The following CCDC158 variants were observed in gnomAD, a reference collection of about 807,000 sequenced individuals.
The protein encoded by CCDC158 is coiled-coil domain containing 158.
Under a neutral mutation model 138.6 loss-of-function variants are expected in CCDC158, and 116 were observed. That is an observed-to-expected ratio of 0.84 (90% CI 0.72 to 0.98). The LOEUF is 0.98. Among genes scored for constraint, CCDC158 ranks in the 50% least tolerant of loss-of-function variants. The pLI is 0.00. For synonymous variants in CCDC158, 436 were observed against 442.4 expected (o/e 0.99, Z 0.18); for missense variants, 1,265 against 1,306.1 (o/e 0.97, Z 0.48).
chr4:76,371,871 G>A (rs1725277099), intron 9 of CCDC158, among the ~76,000 whole-genome samples: 1 of 150,790 alleles, frequency 6.6e-6, no homozygotes, highest in Non-Finnish European at 1.5e-5. Context: ...CCGGGAGGCA[G>A]AGGTTGCAGT....
At chr4:76,386,941 C>T (rs995453264) in intron 4 of CCDC158, among the ~76,000 whole-genome samples, 1 of 152,200 alleles carries the variant, frequency 6.6e-6, no homozygotes, top group Non-Finnish European at 1.5e-5. Flanking sequence ...GCAAGCCTCA[C>T]CACCACATGC....
rs182901027 is a variant in CCDC158, at chr4:76,324,673, C to T, written c.3169+1184G>A. Among the ~76,000 whole-genome samples, 183 of 152,198 alleles carry T rather than the reference C, an allele frequency of 1.2e-3. 1 individual carries two copies. Among genetic ancestry groups the T allele is most frequent in the Non-Finnish European group, 1.4e-3 (97 of 68,016 alleles). ...AAAGGTAACATGGAGGCCGAAGCAA[C>T]TCCATCTTGGATGCTAATCTGCCAA... On this transcript the variant is annotated intron_variant, in intron 23 of 24. Coordinates refer to ENST00000682701, the MANE Select transcript of CCDC158 (RefSeq NM_001394954.1).
At position 76,334,087 on chromosome 4, in the gene CCDC158, G is replaced by A. The variant is rs1183799062; in HGVS notation, c.2745C>T (p.Ile915=). ...KQLLQELRSV[I]NEEPAVSLSK... ...TCAGAGACACAGCTGGCTCCTCATT[G>A]ATCACGCTTCTCAACTCTTGGAGAA... is the stretch of plus-strand genomic sequence containing the variant. Residue 915 remains isoleucine, a synonymous_variant, in exon 19 of 25, where the codon ATC becomes ATT. Transcript: ENST00000682701. 2 of 1,613,684 alleles carry A rather than the reference G, an allele frequency of 1.2e-6. No individual in the cohort carries two copies. The highest frequency in any genetic ancestry group is 2.2e-5 in the South Asian group (2 of 91,044).
intron 18 of CCDC158, among the ~76,000 whole-genome samples, chr4:76,347,309 G>T (rs1396530691): frequency 6.6e-6 from 1 of 151,644 alleles, no homozygotes; most frequent in African/African-American, 2.4e-5. Context: ...TGGATAATGT[G>T]CCTGGATAGA....
chr4:76,314,829 G>A (rs893666076), intron 24 of CCDC158, among the ~76,000 whole-genome samples: 5 of 152,130 alleles, frequency 3.3e-5, no homozygotes, highest in East Asian at 1.9e-4. Context: ...GGTGAAAGAA[G>A]CTTCCAACTG....
At chr4:76,410,259 A>G (rs113179225) in intron 2 of CCDC158, among the ~76,000 whole-genome samples, 5,334 of 152,194 alleles carry the variant, frequency 0.035, 221 homozygotes, top group African/African-American at 0.1. Flanking sequence ...ATCTTGGCTC[A>G]CTGCAACCTC....
chr4:76,321,759 A>AT (rs972083962), intron 24 of CCDC158, among the ~76,000 whole-genome samples: 3 of 144,488 alleles, frequency 2.1e-5, no homozygotes, highest in Non-Finnish European at 3.0e-5. Context: ...AAATATATAT[A>AT]TTTTTTATAT....
intron 18 of CCDC158, among the ~76,000 whole-genome samples, chr4:76,342,443 T>C (rs1428827856): frequency 6.6e-6 from 1 of 152,200 alleles, no homozygotes; most frequent in African/African-American, 2.4e-5. Context: ...ACTTACCTCA[T>C]GTTAAGTAGT....
At chr4:76,407,241 C>T (rs527411070) in intron 2 of CCDC158, 6 of 152,176 alleles carry the variant, frequency 3.9e-5, no homozygotes, top group African/African-American at 1.4e-4. Flanking sequence ...CTTTTGATTA[C>T]TGAGATGCCA....
chr4:76,372,844 G>A (rs960205351), intron 9 of CCDC158, among the ~76,000 whole-genome samples: 1 of 151,728 alleles, frequency 6.6e-6, no homozygotes, highest in Admixed American at 6.6e-5. Flanking sequence ...TGTTAATAGC[G>A]TTTCTATAGT....
chr4:76,397,104 G>A (rs370425135), intron 3 of CCDC158, among the ~76,000 whole-genome samples: 35 of 152,130 alleles, frequency 2.3e-4, no homozygotes, highest in African/African-American at 8.4e-4. Flanking sequence ...AAAATTCTTC[G>A]ATATTCTTCC....
intron 18 of CCDC158, among the ~76,000 whole-genome samples, chr4:76,343,571 T>C (rs1393727916): frequency 1.3e-5 from 2 of 152,262 alleles, no homozygotes; most frequent in Middle Eastern, 3.4e-3. Context: ...TCCAAATAGT[T>C]TGGGAGGCCG....
At chr4:76,346,488 G>C (rs1019765172) in intron 18 of CCDC158, among the ~76,000 whole-genome samples, 4 of 152,190 alleles carry the variant, frequency 2.6e-5, no homozygotes, top group Admixed American at 2.0e-4. Flanking sequence ...AAGCTGGGTG[G>C]ATCACAAGGT....
intron 1 of CCDC158, among the ~76,000 whole-genome samples, chr4:76,416,641 G>T (rs1275199516): frequency 6.6e-6 from 1 of 152,202 alleles, no homozygotes; most frequent in African/African-American, 2.4e-5. Context: ...TCCAGTCATG[G>T]CTGAAAGGGG....
intron 22 of CCDC158, among the ~76,000 whole-genome samples, chr4:76,327,988 A>T (rs1397664762): frequency 6.6e-6 from 1 of 151,400 alleles, no homozygotes; most frequent in East Asian, 1.9e-4. Context: ...CTTTTGTGTA[A>T]TTTTCTCCAT....
intron 3 of CCDC158, chr4:76,401,991 C>T (rs944876593): frequency 6.6e-6 from 1 of 152,102 alleles, no homozygotes; most frequent in African/African-American, 2.4e-5. Context: ...AATAATGGTG[C>T]TGAAAGAAAC....
chr4:76,386,669 T>G (rs1419274166), intron 4 of CCDC158, among the ~76,000 whole-genome samples: 2 of 116,518 alleles, frequency 1.7e-5, no homozygotes, highest in Non-Finnish European at 3.8e-5. Context: ...TTTTAATTCA[T>G]ATGGTGGAAA....
At chr4:76,347,366 A>G (rs1048444121) in intron 18 of CCDC158, among the ~76,000 whole-genome samples, 2 of 152,132 alleles carry the variant, frequency 1.3e-5, no homozygotes, top group African/African-American at 4.8e-5. Flanking sequence ...ACCATGGAAC[A>G]CTATGCAGCC....
intron 24 of CCDC158, among the ~76,000 whole-genome samples, chr4:76,320,684 G>A (rs1719913796): frequency 2.0e-5 from 3 of 152,260 alleles, no homozygotes; most frequent in South Asian, 2.1e-4. Flanking sequence ...AAAACATAAA[G>A]TGGGGAAAGG....
Sources: gnomAD v4.1 joint callset for allele counts (sites outside exome capture counted in the v4.1 genomes callset) on GRCh38, gnomAD v4.1.1 for gene constraint, MANE v1.5 for transcripts, NCBI Gene and HGNC (gene_info 2026-07-23, HGNC 2026-07-21) for gene names.